PRDM16: variants seen among roughly 807,000 people sequenced by gnomAD.
The protein encoded by PRDM16 is PR/SET domain 16, also known as histone-lysine N-methyltransferase PRDM16.
In PRDM16, 23 loss-of-function variants were observed where a neutral mutation model predicts 110.6. The observed-to-expected ratio is 0.21, with a 90% CI of 0.15 to 0.29. The LOEUF is 0.29. Among genes scored for constraint, PRDM16 ranks in the 10% least tolerant of loss-of-function variants. The pLI is 1.00. For synonymous variants in PRDM16, 799 were observed against 781.8 expected, an observed-to-expected ratio of 1.02 and a Z score of -0.37; for missense variants, 1,615 against 1,794.3, an observed-to-expected ratio of 0.90 and a Z score of 1.81.
intron 1 of PRDM16, among the ~76,000 whole-genome samples, chr1:3,135,742 G>A (rs1482811748): frequency 2.6e-5 from 4 of 152,226 alleles, no homozygotes; most frequent in South Asian, 2.1e-4. Flanking sequence ...GGGTTACCCC[G>A]AGAAACAGGT....
chr1:3,202,505 C>T (rs1294844992), intron 2 of PRDM16, among the ~76,000 whole-genome samples: 1 of 152,180 alleles, frequency 6.6e-6, no homozygotes, highest in East Asian at 1.9e-4. Context: ...GGAGAGCAGA[C>T]ACCTGCTCGA....
At chr1:3,199,143 G>C (rs1002384641) in intron 2 of PRDM16, among the ~76,000 whole-genome samples, 1 of 152,144 alleles carries the variant, frequency 6.6e-6, no homozygotes, top group African/African-American at 2.4e-5. Context: ...GGCAGAGGGG[G>C]ATTAGGATGC....
At position 3,243,177 on chromosome 1, in the gene PRDM16, G is replaced by A. The variant is rs1389365816; in HGVS notation, c.388-910G>A. 2.6e-5 allele frequency among the ~76,000 whole-genome samples: 4 copies of A among 152,332 alleles called. No individual in the cohort carries two copies. The highest frequency in any genetic ancestry group is 9.6e-5 in the African/African-American group (4 of 41,558). On this transcript the variant is annotated intron_variant, in intron 2 of 16. Transcript: ENST00000270722. This position sits in a 1 kb window ranked among gnomAD's most constrained non-coding sequence, Gnocchi z 5.5. ...TCCACACGTGGGTGAGGGGGTGGGA[G>A]CTCCTGTGTGGCCCACAGCCCGCTG...
chr1:3,430,005 G>T (rs961009915), intron 14 of PRDM16, among the ~76,000 whole-genome samples: 7 of 152,202 alleles, frequency 4.6e-5, no homozygotes, highest in Non-Finnish European at 8.8e-5. Context: ...AGGAAGAGTG[G>T]CCCTGGGGCT....
chr1:3,374,134 G>A (rs934790159), intron 3 of PRDM16, among the ~76,000 whole-genome samples: 1 of 152,188 alleles, frequency 6.6e-6, no homozygotes, highest in South Asian at 2.1e-4. Context: ...GGATCCCGGG[G>A]TCCCAGCCGC....
chr1:3,234,009 T>C (rs969272088), intron 2 of PRDM16, among the ~76,000 whole-genome samples: 68 of 152,014 alleles, frequency 4.5e-4, no homozygotes, highest in African/African-American at 1.5e-3. Flanking sequence ...CCCCTTCCAT[T>C]TGTCTTGGCT....
intron 1 of PRDM16, among the ~76,000 whole-genome samples, chr1:3,114,183 A>ACG (rs1453295647): frequency 1.8e-5 from 2 of 113,942 alleles, no homozygotes; most frequent in Non-Finnish European, 3.4e-5. Context: ...ACGCACACAC[A>ACG]CGCACACACG....
intron 1 of PRDM16, among the ~76,000 whole-genome samples, chr1:3,176,507 C>A (rs1644091876): frequency 6.6e-6 from 1 of 151,282 alleles, no homozygotes; most frequent in African/African-American, 2.4e-5. Flanking sequence ...TCCACCCACC[C>A]ATTGATTCAC....
At chr1:3,373,631 T>G (rs1355575152) in intron 3 of PRDM16, among the ~76,000 whole-genome samples, 4 of 152,162 alleles carry the variant, frequency 2.6e-5, no homozygotes, top group Admixed American at 6.5e-5. Flanking sequence ...GGTCCCTCCC[T>G]GCAGGCAGGA....
intron 3 of PRDM16, among the ~76,000 whole-genome samples, chr1:3,285,671 C>G (rs77346708): frequency 0.017 from 2,597 of 152,336 alleles, 79 homozygotes; most frequent in African/African-American, 0.059. Context: ...TCTCTGGTCC[C>G]TGGACGGCCA....
chr1:3,229,106 C>T (rs559138798), intron 2 of PRDM16, among the ~76,000 whole-genome samples: 3 of 152,370 alleles, frequency 2.0e-5, no homozygotes, highest in African/African-American at 7.2e-5. Context: ...AGAGCACCTC[C>T]CCAGGGCACC....
chr1:3,368,650 C>A (rs992259652), intron 3 of PRDM16, among the ~76,000 whole-genome samples: 2 of 152,160 alleles, frequency 1.3e-5, no homozygotes, highest in Non-Finnish European at 2.9e-5. Context: ...AGACAGGGAC[C>A]CACCCGTAAA....
intron 3 of PRDM16, among the ~76,000 whole-genome samples, chr1:3,258,614 G>A (rs561824593): frequency 6.6e-6 from 1 of 152,194 alleles, no homozygotes; most frequent in African/African-American, 2.4e-5. Context: ...TCTGAGCAAC[G>A]GCCAAGACTC....
At chr1:3,430,326 C>T (rs1184548411) in intron 14 of PRDM16, among the ~76,000 whole-genome samples, 1 of 152,204 alleles carries the variant, frequency 6.6e-6, no homozygotes, top group Non-Finnish European at 1.5e-5. Context: ...AGAAGAGTCC[C>T]CCCACAGGCT....
At position 3,069,389 on chromosome 1, in the gene PRDM16, G is replaced by A. The variant is rs1641685374; in HGVS notation, c.37+93G>A. The stretch of plus-strand genomic sequence containing the variant: ...CAGGGGTGCGCGTCGGGGCGCGGCC[G>A]GCGCGCCTGCGGCTCCGGGCCCCCG... On this transcript the variant is annotated intron_variant, in intron 1 of 16. Coordinates refer to ENST00000270722, the MANE Select transcript of PRDM16 (RefSeq NM_022114.4). The surrounding 1 kb of genome is among the most constrained non-coding windows in gnomAD (Gnocchi z 6.1). The A allele has an allele frequency of 3.2e-6, 1 of 317,060 alleles. No individual in the cohort carries two copies. Among genetic ancestry groups the A allele is most frequent in the Non-Finnish European group, 4.5e-6 (1 of 224,202 alleles). The allele number at this position is 317,060 out of a possible 1,614,324, so 19.6% of individuals were successfully genotyped here. A position where few individuals can be genotyped will look rare whatever the true frequency, so the allele number is the denominator to read the frequency against.
At chr1:3,397,972 A>T (rs1350381033) in intron 5 of PRDM16, among the ~76,000 whole-genome samples, 5 of 152,196 alleles carry the variant, frequency 3.3e-5, no homozygotes, top group Admixed American at 6.5e-5. Context: ...AGGATAGTTT[A>T]ACAAGCTGGA....
rs1179300847 is a variant in PRDM16, at chr1:3,339,574, G to T, written c.439-45578G>T. On this transcript the variant is annotated intron_variant, in intron 3 of 16. Coordinates refer to ENST00000270722, the MANE Select transcript of PRDM16 (RefSeq NM_022114.4). The surrounding 1 kb of genome is among the most constrained non-coding windows in gnomAD (Gnocchi z 5.0). ...CAGGCAGTGAGGTGGGAAGGAGCGT[G>T]GGAGGAGGCTGCGGAGCGACCATTG... Among the ~76,000 whole-genome samples, 1 of 152,018 alleles carries T rather than the reference G, an allele frequency of 6.6e-6. No individual in the cohort carries two copies. Among genetic ancestry groups the T allele is most frequent in the Non-Finnish European group, 1.5e-5 (1 of 68,006 alleles).
chr1:3,374,015 T>C (rs1360905117), intron 3 of PRDM16, among the ~76,000 whole-genome samples: 1 of 152,226 alleles, frequency 6.6e-6, no homozygotes, highest in African/African-American at 2.4e-5. Context: ...CCTGGAGGCT[T>C]GCTGAGTGGG....
chr1:3,196,681 T>G (rs1019558187), intron 2 of PRDM16, among the ~76,000 whole-genome samples: 2 of 152,192 alleles, frequency 1.3e-5, no homozygotes, highest in African/African-American at 4.8e-5. Context: ...TACTACTGGC[T>G]GAGAGTTCCC....
Sources: gnomAD v4.1 joint callset for allele counts (sites outside exome capture counted in the v4.1 genomes callset) on GRCh38, gnomAD v4.1.1 for gene constraint, Gnocchi (gnomAD v3.1) non-coding constraint, MANE v1.5 for transcripts, NCBI Gene and HGNC (gene_info 2026-07-23, HGNC 2026-07-21) for gene names.